Variants in C10orf90 observed in about 807,000 individuals in gnomAD.
The protein encoded by C10orf90 is (E2-independent) E3 ubiquitin-conjugating enzyme FATS.
C10orf90 carries 56 observed loss-of-function variants against 62.5 expected under a neutral mutation model. That is an observed-to-expected ratio of 0.90 (90% CI 0.72 to 1.12). The LOEUF (loss-of-function observed/expected upper bound fraction) is 1.12. Among genes scored for constraint, C10orf90 ranks in the 50% most tolerant of loss-of-function variants. The pLI, the probability that C10orf90 is intolerant of heterozygous loss-of-function variation, is 0.00. For missense variants in C10orf90, 970 were observed against 880.4 expected (o/e 1.10, Z -1.29); for synonymous variants, 386 against 340.4 (o/e 1.13, Z -1.47).
At chr10:126,507,711 C>T (rs1172467039) in intron 3 of C10orf90, among the ~76,000 whole-genome samples, 5 of 152,126 alleles carry the variant, frequency 3.3e-5, no homozygotes, top group Admixed American at 6.5e-5. Context: ...CTCATCCAAA[C>T]TCTAATGCCC....
chr10:126,663,004 C>G (rs1195915287), intron 1 of C10orf90, among the ~76,000 whole-genome samples: 1 of 152,218 alleles, frequency 6.6e-6, no homozygotes, highest in Non-Finnish European at 1.5e-5. Context: ...ACCACAGTTC[C>G]TGGCACACAG....
At chr10:126,550,566 G>T (rs992358264) in intron 2 of C10orf90, among the ~76,000 whole-genome samples, 5 of 152,126 alleles carry the variant, frequency 3.3e-5, no homozygotes, top group African/African-American at 1.2e-4. Context: ...TTAGAGTGCA[G>T]TGACACGATC....
chr10:126,646,816 A>G (rs1369615294), intron 1 of C10orf90, among the ~76,000 whole-genome samples, 179 bp from the exon 2 acceptor site: 1 of 152,160 alleles, frequency 6.6e-6, no homozygotes, highest in South Asian at 2.1e-4. Context: ...TACCTCTATC[A>G]ATGACTAAAA....
At chr10:126,665,535 G>A (rs1353677307) in intron 1 of C10orf90, among the ~76,000 whole-genome samples, 1 of 152,158 alleles carries the variant, frequency 6.6e-6, no homozygotes, top group East Asian at 1.9e-4. Flanking sequence ...AAACTATGGT[G>A]GGATATTGAA....
chr10:126,655,175 G>C (rs1034275712), intron 1 of C10orf90, among the ~76,000 whole-genome samples: 14 of 152,154 alleles, frequency 9.2e-5, no homozygotes, highest in African/African-American at 3.4e-4. Flanking sequence ...AAAATTAGCT[G>C]GGCATGGTGG....
chr10:126,631,349 G>A (rs1023101760), intron 2 of C10orf90, among the ~76,000 whole-genome samples: 2 of 152,040 alleles, frequency 1.3e-5, no homozygotes, highest in African/African-American at 4.8e-5. Context: ...CACCAGTCCC[G>A]TTCCTTCCTC....
intron 2 of C10orf90, among the ~76,000 whole-genome samples, chr10:126,566,626 C>T (rs895020664): frequency 1.3e-5 from 2 of 152,260 alleles, no homozygotes; most frequent in African/African-American, 4.8e-5. Flanking sequence ...TGGGCAGGCA[C>T]CTTGAAGCAG....
At chr10:126,460,809 G>T (rs1450118320) in intron 6 of C10orf90, among the ~76,000 whole-genome samples, 2 of 152,218 alleles carry the variant, frequency 1.3e-5, no homozygotes, top group Non-Finnish European at 2.9e-5. Context: ...TGCCTTCCAA[G>T]AAGGTGTGGC....
intron 1 of C10orf90, among the ~76,000 whole-genome samples, chr10:126,664,590 G>A (rs1240614396): frequency 6.6e-6 from 1 of 152,102 alleles, no homozygotes; most frequent in Non-Finnish European, 1.5e-5. Context: ...CCTTTCATCT[G>A]CCGTCTCTTC....
intron 1 of C10orf90, among the ~76,000 whole-genome samples, chr10:126,661,849 C>G (rs1436081937): frequency 6.6e-6 from 1 of 151,934 alleles, no homozygotes; most frequent in Non-Finnish European, 1.5e-5. Flanking sequence ...ATGGTGATGT[C>G]TTTTCTTAAA....
intron 2 of C10orf90, among the ~76,000 whole-genome samples, chr10:126,562,194 C>T (rs544715183): frequency 1.2e-4 from 18 of 152,288 alleles, no homozygotes; most frequent in African/African-American, 3.4e-4. Flanking sequence ...AGGGAGAATG[C>T]GGCCCTCATC....
chr10:126,624,059 C>T (rs557098871), intron 2 of C10orf90, among the ~76,000 whole-genome samples: 2 of 152,104 alleles, frequency 1.3e-5, no homozygotes, highest in South Asian at 4.2e-4. Context: ...TATCAGAATC[C>T]AACTGGGGCC....
chr10:126,464,095 A>T (rs1160649960), intron 5 of C10orf90, among the ~76,000 whole-genome samples: 1 of 152,130 alleles, frequency 6.6e-6, no homozygotes, highest in Non-Finnish European at 1.5e-5. Flanking sequence ...CGTTTTTCCA[A>T]TGTGTTCTTG....
chr10:126,444,507 G>A (rs1858613587), intron 7 of C10orf90, among the ~76,000 whole-genome samples: 1 of 152,040 alleles, frequency 6.6e-6, no homozygotes, highest in South Asian at 2.1e-4. Flanking sequence ...AAACACTGCT[G>A]AAAGAAATCA....
At chr10:126,482,309 G>C (rs908802097) in intron 4 of C10orf90, among the ~76,000 whole-genome samples, 3 of 152,210 alleles carry the variant, frequency 2.0e-5, no homozygotes, top group African/African-American at 4.8e-5. Context: ...TTGGCTGAAT[G>C]GAACAGGTGG....
At chr10:126,569,846 C>G (rs1402484861) in intron 2 of C10orf90, among the ~76,000 whole-genome samples, 2 of 152,036 alleles carry the variant, frequency 1.3e-5, no homozygotes, top group Non-Finnish European at 2.9e-5. Flanking sequence ...TTACAAGGGA[C>G]CCCAAAACTC....
chr10:126,561,540 G>A (rs1443410870), intron 2 of C10orf90, among the ~76,000 whole-genome samples: 1 of 152,128 alleles, frequency 6.6e-6, no homozygotes, highest in East Asian at 1.9e-4. Context: ...TCGGGTTGGA[G>A]GACTGTGGAA....
At chr10:126,585,758 G>A (rs1014634219) in intron 2 of C10orf90, among the ~76,000 whole-genome samples, 2 of 152,098 alleles carry the variant, frequency 1.3e-5, no homozygotes, top group Non-Finnish European at 2.9e-5. Context: ...AGATAACAGC[G>A]CTTTCAGTCC....
At chr10:126,606,876 T>C (rs1845323927) in intron 2 of C10orf90, among the ~76,000 whole-genome samples, 1 of 152,170 alleles carries the variant, frequency 6.6e-6, no homozygotes. Context: ...ATGATCCTCA[T>C]GACATCAGAC....
Sources: allele counts gnomAD v4.1 joint callset (sites outside exome capture counted in the v4.1 genomes callset), GRCh38; gene constraint gnomAD v4.1.1; transcripts MANE v1.5; gene names NCBI Gene and HGNC (gene_info 2026-07-23, HGNC 2026-07-21).